CAMTA1: variants seen among roughly 807,000 people sequenced by gnomAD.
The protein encoded by CAMTA1 is calmodulin binding transcription activator 1, also known as calmodulin-binding transcription activator 1.
CAMTA1 carries 27 observed loss-of-function variants against 170.9 expected under a neutral mutation model. That is an observed-to-expected ratio of 0.16 (90% CI 0.12 to 0.22). CAMTA1 has a LOEUF of 0.22. Ranked by LOEUF, CAMTA1 falls within the 10% of genes least tolerant of loss-of-function variation. CAMTA1 has a pLI of 1.00. For missense variants in CAMTA1, 1,619 were observed against 2,217.2 expected (o/e 0.73, Z 5.42); for synonymous variants, 833 against 891.5 (o/e 0.93, Z 1.17).
chr1:6,903,160 G>A (rs1677504985), intron 3 of CAMTA1, among the ~76,000 whole-genome samples: 1 of 152,164 alleles, frequency 6.6e-6, no homozygotes, highest in Non-Finnish European at 1.5e-5. Flanking sequence ...AAGAACAGAA[G>A]GACATACCCT....
rs1484188309 is a variant in CAMTA1 at position 7,325,266 on chromosome 1, G to A, written c.438+75640G>A. On this transcript the variant is annotated intron_variant, in intron 5 of 22. Coordinates refer to ENST00000303635, the MANE Select transcript of CAMTA1 (RefSeq NM_015215.4). The surrounding 1 kb of genome is among the most constrained non-coding windows in gnomAD (Gnocchi z 5.0). Reference sequence around the variant, plus strand: ...GAAATGATAGAAGATATCAGAAGGGGTCATGACTGGGAGAAAAAGGTAGAA... The same window carrying A: ...GAAATGATAGAAGATATCAGAAGGGATCATGACTGGGAGAAAAAGGTAGAA... Among the ~76,000 whole-genome samples, 1 of 152,158 alleles carries A rather than the reference G, an allele frequency of 6.6e-6. No homozygotes were observed. The highest frequency in any genetic ancestry group is 1.5e-5 in the Non-Finnish European group (1 of 68,028).
intron 6 of CAMTA1, among the ~76,000 whole-genome samples, chr1:7,566,771 C>T (rs542950879): frequency 6.6e-6 from 1 of 152,318 alleles, no homozygotes; most frequent in East Asian, 1.9e-4. Context: ...TCCAGTCTTT[C>T]CCTTCTATGC....
intron 3 of CAMTA1, among the ~76,000 whole-genome samples, chr1:6,911,208 C>T (rs868532894): frequency 6.6e-6 from 1 of 152,128 alleles, no homozygotes. Flanking sequence ...GACGTTAGCT[C>T]AGGACTGGGA....
At chr1:7,623,430 A>C (rs2095612334) in intron 6 of CAMTA1, among the ~76,000 whole-genome samples, 1 of 152,226 alleles carries the variant, frequency 6.6e-6, no homozygotes, top group Admixed American at 6.5e-5. Flanking sequence ...GACCCCAGTC[A>C]TTTCAGGTTA....
chr1:7,557,007 C>A (rs1002429707), intron 6 of CAMTA1, among the ~76,000 whole-genome samples: 15 of 152,196 alleles, frequency 9.9e-5, no homozygotes, highest in Admixed American at 4.6e-4. Flanking sequence ...CATCTTAACC[C>A]ATTGTTAACA....
intron 4 of CAMTA1, among the ~76,000 whole-genome samples, chr1:7,182,229 A>G (rs1652317287): frequency 6.6e-6 from 1 of 152,160 alleles, no homozygotes; most frequent in Non-Finnish European, 1.5e-5. Flanking sequence ...ATCTAAATAT[A>G]AAAGGTGAAA....
chr1:7,333,889 T>C lies in CAMTA1; in HGVS notation c.438+84263T>C, dbSNP rs1268956978. Among the ~76,000 whole-genome samples the C allele has an allele frequency of 1.3e-5, 2 of 152,206 alleles. No individual in the cohort carries two copies. The highest frequency in any genetic ancestry group is 1.3e-4 in the Admixed American group (2 of 15,290). On this transcript the variant is annotated intron_variant, in intron 5 of 22. Coordinates refer to ENST00000303635, the MANE Select transcript of CAMTA1 (RefSeq NM_015215.4). The surrounding 1 kb of genome is among the most constrained non-coding windows in gnomAD (Gnocchi z 4.4). ...GTGAAATGGAGGAATTTTTTTTTATTACTTACATTTATCAAGGAAAGAGGT... is the reference window on the plus strand; with the variant it reads ...GTGAAATGGAGGAATTTTTTTTTATCACTTACATTTATCAAGGAAAGAGGT...
chr1:7,143,575 C>T (rs117357181), intron 4 of CAMTA1, among the ~76,000 whole-genome samples: 1 of 152,310 alleles, frequency 6.6e-6, no homozygotes, highest in East Asian at 1.9e-4. Flanking sequence ...CTTCCAATAC[C>T]TTCCAACCTC....
intron 3 of CAMTA1, among the ~76,000 whole-genome samples, chr1:7,009,554 C>T (rs943189887): frequency 6.6e-6 from 1 of 152,194 alleles, no homozygotes; most frequent in Non-Finnish European, 1.5e-5. Flanking sequence ...CCCTGTGTTG[C>T]CGTAGCCCTT....
In CAMTA1 at chr1:7,286,097, G is replaced by A. The variant is rs743969; in HGVS notation, c.438+36471G>A. 3.9e-5 allele frequency among the ~76,000 whole-genome samples: 6 copies of A among 152,170 alleles called. No individual in the cohort carries two copies. The highest frequency in any genetic ancestry group is 1.9e-4 in the East Asian group (1 of 5,196). ...AGATTCTGAAGACTCAGGGACCAGC[G>A]CCACATGGTCTCTGTTCTTGAGGTG... On this transcript the variant is annotated intron_variant, in intron 5 of 22. Transcript: ENST00000303635. This position sits in a 1 kb window ranked among gnomAD's most constrained non-coding sequence, Gnocchi z 4.2.
chr1:7,363,367 T>C (rs1370129328), intron 5 of CAMTA1, among the ~76,000 whole-genome samples: 1 of 152,176 alleles, frequency 6.6e-6, no homozygotes, highest in Non-Finnish European at 1.5e-5. Flanking sequence ...TATTACTTTA[T>C]CATCTTCCCG....
chr1:7,056,253 C>A (rs983923427), intron 3 of CAMTA1, among the ~76,000 whole-genome samples: 24 of 152,318 alleles, frequency 1.6e-4, no homozygotes, highest in Non-Finnish European at 2.1e-4. Flanking sequence ...ATTTCACACA[C>A]ATGCACAGTT....
chr1:7,745,121 G>C (rs974621351), intron 17 of CAMTA1, 99 bp downstream of exon 17: 1 of 1,167,658 alleles, frequency 8.6e-7, no homozygotes, highest in African/African-American at 1.5e-5. Context: ...TGTCATAGAA[G>C]ACCATACCAA....
intron 4 of CAMTA1, among the ~76,000 whole-genome samples, chr1:7,217,628 T>G (rs1659993769): frequency 1.3e-5 from 2 of 152,138 alleles, no homozygotes; most frequent in South Asian, 4.1e-4. Flanking sequence ...TTAATTTCTT[T>G]TTATATATAA....
chr1:7,149,190 A>G (rs1446609442), intron 4 of CAMTA1, among the ~76,000 whole-genome samples: 4 of 152,212 alleles, frequency 2.6e-5, no homozygotes, highest in African/African-American at 9.7e-5. Flanking sequence ...CTTTCCCCGC[A>G]GGGAATTGGG....
intron 5 of CAMTA1, among the ~76,000 whole-genome samples, chr1:7,316,351 G>A (rs1187574576): frequency 6.6e-6 from 1 of 151,938 alleles, no homozygotes; most frequent in Non-Finnish European, 1.5e-5. Context: ...ACATCTTCAG[G>A]GCCTCTATTT....
intron 3 of CAMTA1, among the ~76,000 whole-genome samples, chr1:6,940,685 C>A (rs978033879): frequency 6.6e-6 from 1 of 152,038 alleles, no homozygotes; most frequent in African/African-American, 2.4e-5. Flanking sequence ...AGGAGTGACA[C>A]TTAAGGACTC....
At chr1:6,809,356 T>C (rs1462036045) in intron 1 of CAMTA1, among the ~76,000 whole-genome samples, 1 of 152,082 alleles carries the variant, frequency 6.6e-6, no homozygotes, top group East Asian at 1.9e-4. Context: ...CGTCATTGGG[T>C]AGCTTTAGAA....
At chr1:7,271,613 T>TAGATACAA (rs1367394377) in intron 5 of CAMTA1, among the ~76,000 whole-genome samples, 9 of 146,570 alleles carry the variant, frequency 6.1e-5, no homozygotes. Flanking sequence ...GATAGATAGA[T>TAGATACAA]ACAATACCCC....
Sources: gnomAD v4.1 joint callset for allele counts (sites outside exome capture counted in the v4.1 genomes callset) on GRCh38, gnomAD v4.1.1 for gene constraint, Gnocchi (gnomAD v3.1) non-coding constraint, MANE v1.5 for transcripts, NCBI Gene and HGNC (gene_info 2026-07-23, HGNC 2026-07-21) for gene names.